Variants in VOPP1 observed in about 807,000 individuals in gnomAD.
VOPP1 encodes the protein VOPP1 WW domain binding protein.
VOPP1 carries 8 observed loss-of-function variants against 23.5 expected under a neutral mutation model. The observed-to-expected ratio is 0.34, with a 90% confidence interval of 0.20 to 0.61. The LOEUF (loss-of-function observed/expected upper bound fraction) is 0.61, where lower values mean the gene tolerates loss of function less well. VOPP1 is among the 20% of genes least tolerant of loss of function. The pLI is 0.78. For missense variants in VOPP1, 174 were observed against 238.1 expected, an observed-to-expected ratio of 0.73 and a Z score of 1.77; for synonymous variants, 83 against 97.3, an observed-to-expected ratio of 0.85 and a Z score of 0.86.
intron 2 of VOPP1, among the ~76,000 whole-genome samples, chr7:55,514,828 T>A (rs1795300276): frequency 6.6e-6 from 1 of 152,176 alleles, no homozygotes; most frequent in Non-Finnish European, 1.5e-5. Context: ...TCTCAGCTAG[T>A]CTAGGACAAC....
At chr7:55,568,980 A>G (rs1044523221) in intron 1 of VOPP1, among the ~76,000 whole-genome samples, 1 of 152,180 alleles carries the variant, frequency 6.6e-6, no homozygotes, top group African/African-American at 2.4e-5. Flanking sequence ...AAGGCCTCTG[A>G]GGTTCCCTAC....
chr7:55,548,563 C>G (rs895917018), intron 1 of VOPP1, among the ~76,000 whole-genome samples: 1 of 152,208 alleles, frequency 6.6e-6, no homozygotes, highest in Admixed American at 6.5e-5. Context: ...CAGATGAGTC[C>G]CACACTCCCA....
intron 2 of VOPP1, among the ~76,000 whole-genome samples, chr7:55,506,583 T>C (rs1794742210): frequency 6.6e-6 from 1 of 151,602 alleles, no homozygotes; most frequent in African/African-American, 2.4e-5. Context: ...GTGATCCGCC[T>C]GTCTTGGCCT....
Position 55,501,879 on chromosome 7 carries a change from G to GTC in VOPP1, c.114-4191_114-4190dup, listed in dbSNP as rs756228730. On this transcript the variant is annotated intron_variant, in intron 2 of 4. Transcript: ENST00000285279. ...CTCTGCCACCAAGATGCTCCTGTGT[G>GTC]TCTCTCTCTCGGGTTTTACTCCAGA... Among the ~76,000 whole-genome samples the GTC allele has an allele frequency of 1.1e-4, 17 of 152,242 alleles. No homozygotes were observed. In the East Asian group the frequency reaches 3.1e-3, roughly 28 times the overall value.
chr7:55,494,388 T>C (rs894915568), intron 3 of VOPP1, among the ~76,000 whole-genome samples: 7 of 152,232 alleles, frequency 4.6e-5, no homozygotes, highest in Admixed American at 3.3e-4. Flanking sequence ...GCTCGCTGGA[T>C]TGAAAAATGC....
chr7:55,572,245 G>A, intron 1 of VOPP1, 26 bp downstream of exon 1: 2 of 1,511,434 alleles, frequency 1.3e-6, no homozygotes, highest in South Asian at 1.2e-5. Flanking sequence ...CCGCGCCTCC[G>A]GCAGCACCCG....
At chr7:55,454,126 CA>C (rs1791309652) in intron 4 of VOPP1, among the ~76,000 whole-genome samples, 2 of 152,058 alleles carry the variant, frequency 1.3e-5, no homozygotes, top group Admixed American at 1.3e-4. Context: ...ATGATCAAAC[CA>C]GGGTATTTAG....
chr7:55,495,528 C>T (rs147532545), intron 3 of VOPP1, among the ~76,000 whole-genome samples: 2 of 152,294 alleles, frequency 1.3e-5, no homozygotes, highest in African/African-American at 2.4e-5. Flanking sequence ...TGTCCCTCTG[C>T]CCCAAACGCC....
At chr7:55,520,268 A>G (rs748141298) in intron 2 of VOPP1, among the ~76,000 whole-genome samples, 3 of 152,210 alleles carry the variant, frequency 2.0e-5, no homozygotes, top group Non-Finnish European at 4.4e-5. Flanking sequence ...AGACTACAAT[A>G]TATATGCCTG....
chr7:55,486,543 G>A (rs1317493497), intron 4 of VOPP1, among the ~76,000 whole-genome samples: 1 of 152,144 alleles, frequency 6.6e-6, no homozygotes, highest in Admixed American at 6.5e-5. Flanking sequence ...AGGACTTTGT[G>A]GAAACACATT....
intron 1 of VOPP1, among the ~76,000 whole-genome samples, chr7:55,532,194 G>C (rs963566323): frequency 1.3e-5 from 2 of 152,228 alleles, no homozygotes; most frequent in East Asian, 3.8e-4. Context: ...ATAAATGATG[G>C]TGCCACCCAC....
At chr7:55,476,429 C>T (rs1373307836) in intron 4 of VOPP1, among the ~76,000 whole-genome samples, 1 of 7,646 alleles carries the variant, frequency 1.3e-4, no homozygotes, top group East Asian at 3.4e-3. Context: ...AGTGGCGTGT[C>T]GGGGGGGTGG....
intron 1 of VOPP1, among the ~76,000 whole-genome samples, chr7:55,540,694 G>C (rs1584081595): frequency 6.6e-6 from 1 of 152,312 alleles, no homozygotes; most frequent in Admixed American, 6.5e-5. Context: ...CCCTCACAGA[G>C]CACTCACCTG....
intron 4 of VOPP1, among the ~76,000 whole-genome samples, chr7:55,482,127 C>T (rs1583867100): frequency 1.3e-5 from 2 of 152,014 alleles, no homozygotes; most frequent in South Asian, 4.2e-4. Flanking sequence ...ATTAAAAGGA[C>T]TTCCTTTTCA....
At chr7:55,437,485 T>C (rs1790860357) in intron 4 of VOPP1, among the ~76,000 whole-genome samples, 1 of 152,270 alleles carries the variant, frequency 6.6e-6, no homozygotes. Flanking sequence ...GGGGATTTCA[T>C]AGCCATTGGG....
intron 1 of VOPP1, among the ~76,000 whole-genome samples, chr7:55,554,773 C>A (rs1275969189): frequency 2.0e-5 from 3 of 152,188 alleles, no homozygotes; most frequent in African/African-American, 7.2e-5. Context: ...GGGGCTGGAG[C>A]TCAGCAGGGA....
chr7:55,561,748 C>CAAAAA (rs372739310), intron 1 of VOPP1: 12 of 300,812 alleles, frequency 4.0e-5, no homozygotes, highest in South Asian at 9.2e-5. Context: ...TCCCCTCTTC[C>CAAAAA]AAAAAAAAAA....
chr7:55,491,468 T>C (rs182582622), intron 4 of VOPP1, among the ~76,000 whole-genome samples: 1,770 of 152,230 alleles, frequency 0.012, 12 homozygotes, highest in Middle Eastern at 0.02. Context: ...AGCATGGCGG[T>C]GCAGACATCA....
chr7:55,557,295 G>A (rs1352028026), intron 1 of VOPP1, among the ~76,000 whole-genome samples: 2 of 152,082 alleles, frequency 1.3e-5, no homozygotes, highest in Non-Finnish European at 2.9e-5. Context: ...ACGGAGCCTG[G>A]GGCAGGGGTG....
Sources: allele counts gnomAD v4.1 joint callset (sites outside exome capture counted in the v4.1 genomes callset), GRCh38; gene constraint gnomAD v4.1.1; transcripts MANE v1.5; gene names NCBI Gene and HGNC (gene_info 2026-07-23, HGNC 2026-07-21).